The following PDE1C variants were observed in gnomAD, a reference collection of about 807,000 sequenced individuals.
PDE1C encodes the protein phosphodiesterase 1C, also known as dual specificity calcium/calmodulin-dependent 3',5'-cyclic nucleotide phosphodiesterase 1C.
Under a neutral mutation model 93.1 loss-of-function variants are expected in PDE1C, and 62 were observed. That is an observed-to-expected ratio of 0.67 (90% CI 0.54 to 0.82). The LOEUF is 0.82. Ranked by LOEUF, PDE1C falls within the 40% of genes least tolerant of loss-of-function variation. PDE1C has a pLI of 0.00. For synonymous variants in PDE1C, 325 were observed against 310.1 expected, an observed-to-expected ratio of 1.05 and a Z score of -0.50; for missense variants, 742 against 884.6, an observed-to-expected ratio of 0.84 and a Z score of 2.04.
At chr7:32,077,830 A>T (rs900583378) in intron 3 of PDE1C, 42 of 981,684 alleles carry the variant, frequency 4.3e-5, no homozygotes, top group Non-Finnish European at 4.6e-5. Context: ...CGGCCTCCCA[A>T]AATGCTGGGA....
intron 3 of PDE1C, among the ~76,000 whole-genome samples, chr7:32,132,753 C>A (rs967722185): frequency 1.3e-5 from 2 of 152,002 alleles, no homozygotes; most frequent in African/African-American, 4.8e-5. Flanking sequence ...ATCAAGGAGT[C>A]CAGTTCAGTT....
intron 2 of PDE1C, among the ~76,000 whole-genome samples, chr7:32,029,546 C>T (rs932203246): frequency 1.9e-4 from 28 of 148,460 alleles, no homozygotes; most frequent in Admixed American, 1.8e-3. Flanking sequence ...GGGTCTGCAA[C>T]AAGAGTGGAG....
intron 17 of PDE1C, among the ~76,000 whole-genome samples, chr7:31,755,894 G>C (rs376649096): frequency 6.6e-6 from 1 of 152,160 alleles, no homozygotes; most frequent in Non-Finnish European, 1.5e-5. Flanking sequence ...GGCTTGGCAC[G>C]GTGGCTCATG....
the PDE1C span, among the ~76,000 whole-genome samples, chr7:31,739,211 A>ACACAC: frequency 6.0e-5 from 9 of 150,040 alleles, no homozygotes; most frequent in Non-Finnish European, 1.2e-4. Context: ...ACACACACAC[A>ACACAC]CACACACACA....
chr7:31,629,030 G>A, the PDE1C span, among the ~76,000 whole-genome samples: 148,674 of 152,266 alleles, frequency 0.98, 72,596 homozygotes, highest in East Asian at 0.99. Context: ...AAAAATTGGC[G>A]TTACAAAATT....
At chr7:32,349,118 T>C (rs1375052500) in intron 1 of PDE1C, among the ~76,000 whole-genome samples, 1 of 152,224 alleles carries the variant, frequency 6.6e-6, no homozygotes, top group Non-Finnish European at 1.5e-5. Flanking sequence ...TCCAAGTGTC[T>C]CCATAGAAGT....
intron 1 of PDE1C, among the ~76,000 whole-genome samples, chr7:32,212,012 C>A (rs773900406): frequency 2.0e-5 from 2 of 100,922 alleles, no homozygotes; most frequent in Non-Finnish European, 3.7e-5. Context: ...GGCAACAGAA[C>A]GAGAACCTAT....
chr7:32,010,029 TA>T (rs1370508210), intron 2 of PDE1C, among the ~76,000 whole-genome samples: 4 of 152,158 alleles, frequency 2.6e-5, no homozygotes, highest in Non-Finnish European at 5.9e-5. Context: ...AAACAACATC[TA>T]AAATAATGTT....
chr7:31,616,913 T>C, the PDE1C span, among the ~76,000 whole-genome samples: 2 of 152,174 alleles, frequency 1.3e-5, no homozygotes, highest in African/African-American at 4.8e-5. Context: ...TCTTGGTGGT[T>C]TGTGGGAATG....
intron 1 of PDE1C, among the ~76,000 whole-genome samples, chr7:32,420,122 TATACACACACACACACACACACACACAC>T (rs1785371477): frequency 5.1e-5 from 1 of 19,562 alleles, no homozygotes; most frequent in African/African-American, 1.5e-4. Flanking sequence ...TATATATATA[TATACACACACACACACACACACACACAC>T]ACACACACAT....
intron 3 of PDE1C, among the ~76,000 whole-genome samples, chr7:32,148,416 G>A (rs1801042083): frequency 6.6e-6 from 1 of 152,058 alleles, no homozygotes; most frequent in Non-Finnish European, 1.5e-5. Context: ...CACTTACAGT[G>A]TATCTCAATT....
the PDE1C span, among the ~76,000 whole-genome samples, chr7:31,619,360 C>CCAAACTCTCAGTGTTGAA: frequency 6.6e-6 from 1 of 152,146 alleles, no homozygotes; most frequent in Non-Finnish European, 1.5e-5. Context: ...AATCCAGACT[C>CCAAACTCTCAGTGTTGAA]CAAACTCTCA....
At chr7:31,699,064 G>C in the PDE1C span, among the ~76,000 whole-genome samples, 1 of 152,290 alleles carries the variant, frequency 6.6e-6, no homozygotes, top group East Asian at 1.9e-4. Flanking sequence ...TTATATTCTA[G>C]GTGGGAGAGA....
At chr7:31,776,379 T>C (rs1473992715) in intron 16 of PDE1C, among the ~76,000 whole-genome samples, 1 of 152,152 alleles carries the variant, frequency 6.6e-6, no homozygotes, top group African/African-American at 2.4e-5. Context: ...AATGCTAGTT[T>C]AGTGGGGTTT....
chr7:32,292,628 G>C (rs989782890), intron 1 of PDE1C, among the ~76,000 whole-genome samples: 1 of 152,090 alleles, frequency 6.6e-6, no homozygotes, highest in African/African-American at 2.4e-5. Flanking sequence ...ACCTCTCTAA[G>C]ATCACAGCAA....
chr7:32,009,680 AT>A (rs1786807671), intron 2 of PDE1C, among the ~76,000 whole-genome samples: 2 of 152,226 alleles, frequency 1.3e-5, no homozygotes, highest in South Asian at 4.1e-4. Flanking sequence ...TGAAGGTTGC[AT>A]CCAGTGCATT....
chr7:32,091,010 T>G (rs187457345), intron 3 of PDE1C, among the ~76,000 whole-genome samples: 1 of 152,388 alleles, frequency 6.6e-6, no homozygotes. Context: ...AATATATGCC[T>G]TGTTTTCTAC....
intron 16 of PDE1C, among the ~76,000 whole-genome samples, chr7:31,807,938 A>C (rs975439063): frequency 6.6e-6 from 1 of 151,910 alleles, no homozygotes; most frequent in Non-Finnish European, 1.5e-5. Context: ...GGTAAAAAAA[A>C]AAAAATTGCA....
At chr7:32,370,985 C>G (rs1006323914) in intron 1 of PDE1C, among the ~76,000 whole-genome samples, 3 of 151,448 alleles carry the variant, frequency 2.0e-5, no homozygotes, top group African/African-American at 7.3e-5. Context: ...CATATTCTCA[C>G]TCATATATGG....
Sources: gnomAD v4.1 joint callset for allele counts (sites outside exome capture counted in the v4.1 genomes callset) on GRCh38, gnomAD v4.1.1 for gene constraint, MANE v1.5 for transcripts, NCBI Gene and HGNC (gene_info 2026-07-23, HGNC 2026-07-21) for gene names.